Variants in OSBPL11 observed in about 807,000 individuals in gnomAD.
The protein encoded by OSBPL11 is oxysterol binding protein like 11.
OSBPL11 carries 33 observed loss-of-function variants against 84.4 expected under a neutral mutation model. The ratio of observed to expected loss-of-function variants is 0.39; its 90% CI spans 0.30 to 0.52. OSBPL11 has a LOEUF of 0.52. Among genes scored for constraint, OSBPL11 ranks in the 20% least tolerant of loss-of-function variants. The pLI, the probability that OSBPL11 is intolerant of heterozygous loss-of-function variation, is 0.72. For synonymous variants in OSBPL11, 276 were observed against 310.2 expected (o/e 0.89, Z 1.16); for missense variants, 736 against 901.1 (o/e 0.82, Z 2.35).
chr3:125,589,976 C>T (rs1458559114), intron 1 of OSBPL11, among the ~76,000 whole-genome samples: 1 of 152,154 alleles, frequency 6.6e-6, no homozygotes, highest in Non-Finnish European at 1.5e-5. Context: ...TCTTTCAGTT[C>T]CTCTTTTGAA....
intron 8 of OSBPL11, among the ~76,000 whole-genome samples, chr3:125,555,567 T>A (rs1416387931): frequency 6.6e-6 from 1 of 151,912 alleles, no homozygotes; most frequent in African/African-American, 2.4e-5. Flanking sequence ...TACCAAGACA[T>A]GATAAAGAGA....
rs1935535900 is a variant in OSBPL11 at position 125,530,211 on chromosome 3, AT to A, written c.*303del. The A allele has an allele frequency of 6.2e-6, 2 of 325,098 alleles. No homozygotes were observed. The highest frequency in any genetic ancestry group is 5.3e-5 in the South Asian group (1 of 19,006). The allele number at this position is 325,098 out of a possible 1,614,324, so 20.1% of individuals were successfully genotyped here. A position where few individuals can be genotyped will look rare whatever the true frequency, so the allele number is the denominator to read the frequency against. On this transcript the variant is annotated 3_prime_UTR_variant, in exon 13 of 13. Coordinates refer to ENST00000296220, the MANE Select transcript of OSBPL11 (RefSeq NM_022776.5). ...GTGTATCTGCTGCCCCTGTGCAAAA[AT>A]AGGGGATTCAAACTTAACTTTAGGA...
chr3:125,589,241 C>T (rs1455467137), intron 1 of OSBPL11, among the ~76,000 whole-genome samples: 1 of 150,138 alleles, frequency 6.7e-6, no homozygotes, highest in African/African-American at 2.5e-5. Flanking sequence ...ACTCGGGAGA[C>T]TGAGGCACAA....
At chr3:125,562,913 C>T (rs1344696915) in intron 7 of OSBPL11, among the ~76,000 whole-genome samples, 3 of 150,646 alleles carry the variant, frequency 2.0e-5, no homozygotes, top group African/African-American at 4.9e-5. Flanking sequence ...GCAATAAGAG[C>T]GAAACTCCAT....
chr3:125,588,749 T>C (rs1368691088), intron 1 of OSBPL11, among the ~76,000 whole-genome samples: 1 of 152,150 alleles, frequency 6.6e-6, no homozygotes, highest in Non-Finnish European at 1.5e-5. Context: ...CAACAGCTAG[T>C]GTGTAGCCTG....
intron 12 of OSBPL11, 58 bp from the exon 13 acceptor site, chr3:125,530,638 A>C (rs184092756): frequency 5.7e-5 from 79 of 1,377,020 alleles, no homozygotes; most frequent in Non-Finnish European, 1.0e-5. Flanking sequence ...ATCAGTAACC[A>C]AAACTAGAAG....
At chr3:125,554,860 A>G (rs1174324928) in intron 8 of OSBPL11, among the ~76,000 whole-genome samples, 1 of 152,196 alleles carries the variant, frequency 6.6e-6, no homozygotes, top group African/African-American at 2.4e-5. Flanking sequence ...CAGACCAGGA[A>G]GTTCAATGGC....
intron 9 of OSBPL11, among the ~76,000 whole-genome samples, chr3:125,548,143 C>T (rs535621983): frequency 8.5e-4 from 130 of 152,214 alleles, no homozygotes; most frequent in Non-Finnish European, 1.6e-3. Flanking sequence ...CCTCCCAAAA[C>T]GCTGGGATTA....
chr3:125,554,169 G>A (rs1334133791), intron 8 of OSBPL11, among the ~76,000 whole-genome samples: 1 of 152,146 alleles, frequency 6.6e-6, no homozygotes, highest in Admixed American at 6.6e-5. Context: ...TCAAAGTCTA[G>A]AGGTTTAGCC....
intron 5 of OSBPL11, among the ~76,000 whole-genome samples, chr3:125,571,084 G>A (rs1936235987): frequency 6.6e-6 from 1 of 152,168 alleles, no homozygotes; most frequent in African/African-American, 2.4e-5. Flanking sequence ...TAGTGTCCAG[G>A]CTGAGGCGAT....
chr3:125,540,973 T>A (rs1194201866), intron 10 of OSBPL11, among the ~76,000 whole-genome samples: 1 of 152,208 alleles, frequency 6.6e-6, no homozygotes, highest in East Asian at 1.9e-4. Context: ...ATCACACTTC[T>A]TCCATAAAGA....
intron 5 of OSBPL11, among the ~76,000 whole-genome samples, chr3:125,571,475 C>T (rs1936241249): frequency 6.6e-6 from 1 of 152,128 alleles, no homozygotes; most frequent in Non-Finnish European, 1.5e-5. Flanking sequence ...CAGGGCATGC[C>T]AGAAGTCTTC....
rs1420915066 is a variant in OSBPL11 at position 125,529,099 on chromosome 3, T to A, written c.*1416A>T. 6.6e-6 allele frequency: 1 copy of A among 152,664 alleles called. No individual in the cohort carries two copies. Among genetic ancestry groups the A allele is most frequent in the East Asian group, 1.9e-4 (1 of 5,206 alleles). 9.5% of individuals were successfully genotyped at this position (152,664 alleles called of 1,614,324 possible). On this transcript the variant is annotated 3_prime_UTR_variant, in exon 13 of 13. Transcript: ENST00000296220. ...ATTTATCAGAGCACAAAGCTTAAACTTCTTATGATGATGCAACAGACACAG... is the reference window on the plus strand; with the variant it reads ...ATTTATCAGAGCACAAAGCTTAAACATCTTATGATGATGCAACAGACACAG...
chr3:125,552,779 T>C, intron 8 of OSBPL11, 100 bp from the exon 9 acceptor site: 1 of 1,347,402 alleles, frequency 7.4e-7, no homozygotes, highest in Non-Finnish European at 1.0e-6. Flanking sequence ...TAGATGGGTA[T>C]TAAAAACAAA....
intron 1 of OSBPL11, among the ~76,000 whole-genome samples, chr3:125,593,900 G>A (rs1028179234): frequency 1.5e-4 from 23 of 151,944 alleles, no homozygotes; most frequent in African/African-American, 5.6e-4. Context: ...TCATTCTTAA[G>A]GTTCTGGATA....
intron 5 of OSBPL11, among the ~76,000 whole-genome samples, chr3:125,572,615 C>T (rs964913941): frequency 4.0e-5 from 6 of 151,816 alleles, no homozygotes; most frequent in African/African-American, 1.2e-4. Context: ...AGAGGAGTTC[C>T]CCTGCACAAG....
rs752864612 is a variant in OSBPL11 at position 125,560,379 on chromosome 3, T to C, written c.1155A>G (p.Arg385=). The change falls in exon 8 of 13, where the codon AGA becomes AGG. Residue 385 remains arginine (R), a splice_region_variant and synonymous_variant. Transcript: ENST00000296220. The stretch of plus-strand genomic sequence containing the variant: ...ATAGCCAGCTTATGCCATTACTTAC[T>C]CTTGTTAAATCCATGCCCAGCTTAA... The part of the protein sequence containing the change: ...SQLKLGMDLT[R]VVLPTFILEK... 3.2e-6 allele frequency: 5 copies of C among 1,544,158 alleles called. No individual in the cohort carries two copies. In the East Asian group the frequency reaches 1.2e-4, roughly 36 times the overall value.
At chr3:125,567,291 CTTTT>C (rs934117082) in intron 6 of OSBPL11, 99 bp downstream of exon 6, 9 of 1,071,478 alleles carry the variant, frequency 8.4e-6, no homozygotes, top group Middle Eastern at 2.1e-4. Context: ...TTTTCTTCTC[CTTTT>C]TTTAAGTTAA....
At chr3:125,592,999 C>A (rs891720500) in intron 1 of OSBPL11, among the ~76,000 whole-genome samples, 6 of 152,176 alleles carry the variant, frequency 3.9e-5, no homozygotes, top group African/African-American at 1.2e-4. Context: ...AGAAAAAACT[C>A]ATTAGACTTC....
Sources: gnomAD v4.1 joint callset for allele counts (sites outside exome capture counted in the v4.1 genomes callset) on GRCh38, gnomAD v4.1.1 for gene constraint, MANE v1.5 for transcripts, NCBI Gene and HGNC (gene_info 2026-07-23, HGNC 2026-07-21) for gene names.